Variants in FBXL7 observed in about 807,000 individuals in gnomAD.
The protein encoded by FBXL7 is F-box/LRR-repeat protein 7.
A neutral mutation model predicts 38.3 loss-of-function variants in FBXL7; 12 were observed. The ratio of observed to expected loss-of-function variants is 0.31; its 90% CI spans 0.20 to 0.51. The LOEUF (loss-of-function observed/expected upper bound fraction) is 0.51. FBXL7 is among the 20% of genes least tolerant of loss of function. FBXL7 has a pLI of 0.98. For synonymous variants in FBXL7, 297 were observed against 300.9 expected, an observed-to-expected ratio of 0.99 and a Z score of 0.13; for missense variants, 567 against 676.4, an observed-to-expected ratio of 0.84 and a Z score of 1.79.
At chr5:15,570,961 A>G (rs912717401) in intron 1 of FBXL7, among the ~76,000 whole-genome samples, 2 of 151,990 alleles carry the variant, frequency 1.3e-5, no homozygotes, top group African/African-American at 4.8e-5. Context: ...GTGTGGTGGC[A>G]CATGCCTGTA....
At chr5:15,871,560 G>A (rs772473013) in intron 2 of FBXL7, among the ~76,000 whole-genome samples, 8 of 152,078 alleles carry the variant, frequency 5.3e-5, no homozygotes, top group Admixed American at 3.3e-4. Flanking sequence ...CTTGATAAAA[G>A]GTGAGAGGAA....
At chr5:15,664,637 A>G (rs1317590380) in intron 2 of FBXL7, among the ~76,000 whole-genome samples, 1 of 151,336 alleles carries the variant, frequency 6.6e-6, no homozygotes, top group African/African-American at 2.4e-5. Context: ...ATGCCTGGCT[A>G]ATTTTTGTAT....
At chr5:15,826,479 C>G (rs528081805) in intron 2 of FBXL7, among the ~76,000 whole-genome samples, 71 of 152,252 alleles carry the variant, frequency 4.7e-4, no homozygotes, top group African/African-American at 1.6e-3. Flanking sequence ...AGTGCAGTGT[C>G]GTGATCTCTG....
intron 2 of FBXL7, among the ~76,000 whole-genome samples, chr5:15,637,595 T>C (rs1262395764): frequency 6.6e-6 from 1 of 152,232 alleles, no homozygotes; most frequent in Non-Finnish European, 1.5e-5. Flanking sequence ...CAGCTAACCA[T>C]TCTATATTGG....
chr5:15,832,408 C>A (rs539427203), intron 2 of FBXL7, among the ~76,000 whole-genome samples: 1 of 152,248 alleles, frequency 6.6e-6, no homozygotes, highest in East Asian at 1.9e-4. Flanking sequence ...TGTTCCTTAA[C>A]AAATACCAGT....
chr5:15,758,837 C>T (rs1012613218), intron 2 of FBXL7, among the ~76,000 whole-genome samples: 10 of 152,056 alleles, frequency 6.6e-5, no homozygotes, highest in Admixed American at 5.9e-4. Context: ...AATAATAAAA[C>T]TAATTATGGT....
intron 1 of FBXL7, among the ~76,000 whole-genome samples, chr5:15,512,219 T>C (rs1736818037): frequency 6.6e-6 from 1 of 152,236 alleles, no homozygotes; most frequent in Non-Finnish European, 1.5e-5. Context: ...TGAGTTGATA[T>C]CAGAACTCAT....
At position 15,838,626 on chromosome 5, in the gene FBXL7, A is replaced by G. The variant is rs143549994; in HGVS notation, c.128-89264A>G. On this transcript the variant is annotated intron_variant, in intron 2 of 3. Coordinates refer to ENST00000504595, the MANE Select transcript of FBXL7 (RefSeq NM_012304.5). ...GATCTGCAAGGATTTGTTTCTTTATATCAATGCATATTTCAGCTGTATTTG... is the reference window on the plus strand; with the variant it reads ...GATCTGCAAGGATTTGTTTCTTTATGTCAATGCATATTTCAGCTGTATTTG... 2.0e-3 allele frequency among the ~76,000 whole-genome samples: 303 copies of G among 152,304 alleles called. 2 individuals are homozygous for G. The highest frequency in any genetic ancestry group is 6.0e-4 in the Non-Finnish European group (41 of 68,028).
intron 2 of FBXL7, among the ~76,000 whole-genome samples, chr5:15,861,197 C>T (rs1739458996): frequency 6.6e-6 from 1 of 152,200 alleles, no homozygotes; most frequent in Non-Finnish European, 1.5e-5. Flanking sequence ...ATCACACTTT[C>T]TTATAATTCA....
At chr5:15,602,331 C>A (rs955865706) in intron 1 of FBXL7, 10 of 151,948 alleles carry the variant, frequency 6.6e-5, no homozygotes, top group African/African-American at 2.4e-4. Context: ...TCTCTTGTTT[C>A]TTGGTGGGTG....
intron 1 of FBXL7, among the ~76,000 whole-genome samples, chr5:15,543,880 A>G (rs1181549456): frequency 2.6e-5 from 4 of 152,068 alleles, no homozygotes; most frequent in Admixed American, 2.6e-4. Flanking sequence ...CCAAATTTGC[A>G]TTTTCTTTGT....
In FBXL7 at chr5:15,863,128, G is replaced by A. The variant is rs149886089; in HGVS notation, c.128-64762G>A. Among the ~76,000 whole-genome samples the A allele has an allele frequency of 3.5e-3, 534 of 152,272 alleles. 4 individuals carry two copies. The highest frequency in any genetic ancestry group is 0.012 in the African/African-American group (515 of 41,548). On this transcript the variant is annotated intron_variant, in intron 2 of 3. Coordinates refer to ENST00000504595, the MANE Select transcript of FBXL7 (RefSeq NM_012304.5). ...CTCTTGTACTAAAATTTCCCAAAGG[G>A]CACTGTGAGGTAGCAGACGTCCACT...
intron 2 of FBXL7, among the ~76,000 whole-genome samples, chr5:15,700,274 G>C (rs536497939): frequency 6.6e-6 from 1 of 152,258 alleles, no homozygotes; most frequent in Non-Finnish European, 1.5e-5. Context: ...GATCAAAATG[G>C]CATGTTTTAA....
At chr5:15,920,012 A>T (rs149275358) in intron 2 of FBXL7, among the ~76,000 whole-genome samples, 1,785 of 152,278 alleles carry the variant, frequency 0.012, 38 homozygotes, top group African/African-American at 0.041. Context: ...TAGTCCCAGG[A>T]CTTTGGGAGG....
At chr5:15,772,650 A>G (rs929865066) in intron 2 of FBXL7, among the ~76,000 whole-genome samples, 1 of 152,166 alleles carries the variant, frequency 6.6e-6, no homozygotes, top group Non-Finnish European at 1.5e-5. Context: ...TGATTGCAAG[A>G]ATTTTTAAAA....
chr5:15,529,350 C>T (rs1306077539), intron 1 of FBXL7, among the ~76,000 whole-genome samples: 1 of 151,936 alleles, frequency 6.6e-6, no homozygotes. Context: ...CCATACCTGG[C>T]TATTGTGAAT....
chr5:15,549,999 T>G (rs1309454455), intron 1 of FBXL7, among the ~76,000 whole-genome samples: 1 of 152,162 alleles, frequency 6.6e-6, no homozygotes. Flanking sequence ...GAGATTTGGG[T>G]AGAAACCTGA....
Position 15,863,074 on chromosome 5 carries a change from G to C in FBXL7, c.128-64816G>C, listed in dbSNP as rs556956463. Among the ~76,000 whole-genome samples the C allele has an allele frequency of 2.0e-5, 3 of 152,268 alleles. No individual in the cohort carries two copies. In the South Asian group the frequency reaches 6.2e-4, roughly 32 times the overall value. On this transcript the variant is annotated intron_variant, in intron 2 of 3. Coordinates refer to ENST00000504595, the MANE Select transcript of FBXL7 (RefSeq NM_012304.5). Reference sequence around the variant, plus strand: ...TCGGTTGACTGCAATCCCCACACATGATGTATAGCAAAGTGTTTAAACAGT... The same window carrying C: ...TCGGTTGACTGCAATCCCCACACATCATGTATAGCAAAGTGTTTAAACAGT...
intron 2 of FBXL7, among the ~76,000 whole-genome samples, chr5:15,868,765 T>C (rs1350863060): frequency 6.6e-6 from 1 of 152,150 alleles, no homozygotes; most frequent in Non-Finnish European, 1.5e-5. Context: ...CAATGGAACC[T>C]CCTCCTTAAA....
Sources: allele counts gnomAD v4.1 joint callset (sites outside exome capture counted in the v4.1 genomes callset), GRCh38; gene constraint gnomAD v4.1.1; transcripts MANE v1.5; gene names NCBI Gene and HGNC (gene_info 2026-07-23, HGNC 2026-07-21).